Variants in RAD21 observed in about 807,000 individuals in gnomAD.
The protein encoded by RAD21 is double-strand-break repair protein rad21 homolog.
Under a neutral mutation model 71.5 loss-of-function variants are expected in RAD21, and 18 were observed. The ratio of observed to expected loss-of-function variants is 0.25; its 90% confidence interval spans 0.17 to 0.37. The LOEUF is 0.37. Among genes scored for constraint, RAD21 ranks in the 10% least tolerant of loss-of-function variants. The probability of loss-of-function intolerance (pLI) is 1.00; values close to 1 mark genes in which losing one functional copy is unlikely to be tolerated. For synonymous variants in RAD21, 248 were observed against 254.0 expected (o/e 0.98, Z 0.22); for missense variants, 493 against 769.1 (o/e 0.64, Z 4.25).
chr8:116,853,810 A>G (rs1812404837), intron 9 of RAD21, among the ~76,000 whole-genome samples: 1 of 152,130 alleles, frequency 6.6e-6, no homozygotes, highest in Non-Finnish European at 1.5e-5. Flanking sequence ...GTGAGCAGAA[A>G]AGAGCCTATA....
At chr8:116,854,086 A>G (rs1812413565) in intron 9 of RAD21, among the ~76,000 whole-genome samples, 159 bp downstream of exon 9, 1 of 148,500 alleles carries the variant, frequency 6.7e-6, no homozygotes, top group Non-Finnish European at 1.5e-5. Flanking sequence ...TATATTTCAG[A>G]TGAAGTTATG....
intron 13 of RAD21, 78 bp from the exon 14 acceptor site, chr8:116,847,769 A>G (rs958287700): frequency 1.5e-6 from 2 of 1,294,744 alleles, no homozygotes; most frequent in Admixed American, 2.3e-5. Flanking sequence ...TACAGTTTGA[A>G]TATTTGTCCC....
intron 1 of RAD21, among the ~76,000 whole-genome samples, chr8:116,873,267 A>T (rs928670398): frequency 3.4e-5 from 5 of 147,416 alleles, no homozygotes; most frequent in Admixed American, 1.3e-4. Flanking sequence ...TGACTTGTGT[A>T]TAAAAAAAAG....
chr8:116,850,593 G>A lies in RAD21; in HGVS notation c.1620+25C>T. 3 of 1,599,252 alleles carry A rather than the reference G, an allele frequency of 1.9e-6. No homozygotes were observed. The African/African-American group carries it at 4.0e-5, about 21-fold the overall frequency. ...TGGTTGGAGGTTTTTGCTAAATCTG[G>A]AATGAAAATTATTAATTAGTTTACC... On this transcript the variant is annotated intron_variant, in intron 12 of 13. Transcript: ENST00000297338.
Position 116,871,685 on chromosome 8 carries a change from A to G in RAD21, c.-33+2926T>C, listed in dbSNP as rs576004458. On this transcript the variant is annotated intron_variant, in intron 1 of 13. Transcript: ENST00000297338. ...GATATACTTGGAGATGCATATTACT[A>G]AAGACAAAACCAAAAAACCAAACAC... Among the ~76,000 whole-genome samples, 5 of 152,378 alleles carry G rather than the reference A, an allele frequency of 3.3e-5. No individual in the cohort carries two copies. The East Asian group carries it at 9.6e-4, about 29-fold the overall frequency.
chr8:116,846,922 A>G lies in RAD21; in HGVS notation c.*578T>C, dbSNP rs569670987. The G allele has an allele frequency of 1.9e-5, 4 of 215,210 alleles. No individual in the cohort carries two copies. The highest frequency in any genetic ancestry group is 3.7e-5 in the Non-Finnish European group (4 of 106,684). The allele number at this position is 215,210 out of a possible 1,614,324, so 13.3% of individuals were successfully genotyped here. On this transcript the variant is annotated 3_prime_UTR_variant, in exon 14 of 14. Coordinates refer to ENST00000297338, the MANE Select transcript of RAD21 (RefSeq NM_006265.3). ...TTTTTGTAGCTGAAGGCTATCAGTC[A>G]TAACACAATTTCGCGTACACCTCTG...
chr8:116,868,589 G>GT (rs17840624), intron 1 of RAD21, among the ~76,000 whole-genome samples: 3 of 151,922 alleles, frequency 2.0e-5, no homozygotes, highest in East Asian at 1.9e-4. Flanking sequence ...ATCAAAATGA[G>GT]TTTTTTTATA....
intron 1 of RAD21, among the ~76,000 whole-genome samples, chr8:116,873,362 T>C (rs1465631222): frequency 4.6e-5 from 7 of 152,216 alleles, no homozygotes. Flanking sequence ...GCGTATGTCC[T>C]CATCAATGCC....
At chr8:116,868,377 A>G (rs1016113878) in intron 1 of RAD21, among the ~76,000 whole-genome samples, 1 of 152,180 alleles carries the variant, frequency 6.6e-6, no homozygotes. Flanking sequence ...ATATACCACC[A>G]TATGCTTGGA....
chr8:116,856,623 A>T (rs1320433308), intron 7 of RAD21, 23 bp downstream of exon 7: 1 of 1,564,298 alleles, frequency 6.4e-7, no homozygotes, highest in Non-Finnish European at 8.7e-7. Context: ...CATCCCCAGA[A>T]TCACTGAACA....
chr8:116,874,394 T>G, intron 1 of RAD21: 1 of 177,240 alleles, frequency 5.6e-6, no homozygotes, highest in South Asian at 1.3e-4. Context: ...CCAAGCTGCA[T>G]GGGTCCGGGC....
intron 1 of RAD21, among the ~76,000 whole-genome samples, chr8:116,869,433 G>A (rs1447223559): frequency 6.6e-6 from 1 of 152,034 alleles, no homozygotes; most frequent in Admixed American, 6.6e-5. Context: ...AAAAAACACA[G>A]AAACTGCTAC....
At chr8:116,867,635 AC>A (rs1290351298) in intron 1 of RAD21, among the ~76,000 whole-genome samples, 7 of 152,246 alleles carry the variant, frequency 4.6e-5, no homozygotes, top group Non-Finnish European at 1.5e-5. Flanking sequence ...CAGATTTAAA[AC>A]AAATCTATTG....
chr8:116,869,010 AG>A lies in RAD21; in HGVS notation c.-32-2250del, dbSNP rs534710778. Among the ~76,000 whole-genome samples the A allele has an allele frequency of 7.0e-3, 1,071 of 152,312 alleles. 5 individuals are homozygous for A. The highest frequency in any genetic ancestry group is 0.012 in the Non-Finnish European group (839 of 68,038). On this transcript the variant is annotated intron_variant, in intron 1 of 13. Transcript: ENST00000297338. ...CACACATTATATAAAAATTCAAAAT[AG>A]ACAAAACTTTTAAAAAATGGCAGAG...
Position 116,850,766 on chromosome 8 carries a change from G to A in RAD21, c.1472C>T (p.Pro491Leu), listed in dbSNP as rs1812333616. ...TATTTCCATCTGCTCTACCTGCTGAGGCTTAAAGCAATACAAATAAGACAA... is the reference window on the plus strand; with the variant it reads ...TATTTCCATCTGCTCTACCTGCTGAAGCTTAAAGCAATACAAATAAGACAA... ...GQIDPEPVMP[P>L]QQVEQMEIPP... The change falls in exon 12 of 14, where the codon CCT becomes CTT. Residue 491 changes from proline (P) to leucine (L), a missense_variant and splice_region_variant. Pro to Leu is a moderately conservative substitution (Grantham distance 98). Coordinates refer to ENST00000297338, the MANE Select transcript of RAD21 (RefSeq NM_006265.3). 1 of 1,574,890 alleles carries A rather than the reference G, an allele frequency of 6.3e-7. No individual in the cohort carries two copies. Among genetic ancestry groups the A allele is most frequent in the East Asian group, 2.2e-5 (1 of 44,658 alleles).
chr8:116,852,051 A>G lies in RAD21; in HGVS notation c.1367T>C (p.Met456Thr). 1 of 1,612,064 alleles carries G rather than the reference A, an allele frequency of 6.2e-7. No individual in the cohort carries two copies. The highest frequency in any genetic ancestry group is 8.5e-7 in the Non-Finnish European group (1 of 1,178,288). ...EEPSRLQESVMEASRTNIDES... is the reference protein window; with the variant it reads ...EEPSRLQESVTEASRTNIDES... The stretch of plus-strand genomic sequence containing the variant: ...ATCTATGTTTGTTCTGCTGGCCTCC[A>G]TCACTGACTCCTGGAGGCGGCTTGG... The change falls in exon 11 of 14, where the codon ATG (methionine) becomes ACG (threonine). Residue 456 changes from methionine (M) to threonine (T), a missense_variant. Physicochemically the swap from Met to Thr is moderately conservative, Grantham distance 81 (BLOSUM62 -1). This residue lies in a region of RAD21 where 225 missense variants were observed against 218.3 expected (regional missense o/e 1.03). Transcript: ENST00000297338.
intron 4 of RAD21, among the ~76,000 whole-genome samples, chr8:116,858,773 T>C (rs1812523946): frequency 6.6e-6 from 1 of 152,154 alleles, no homozygotes; most frequent in African/African-American, 2.4e-5. Flanking sequence ...ATTAGGACCC[T>C]GCAACTTACA....
At chr8:116,851,534 C>T (rs1417593970) in intron 11 of RAD21, 1 of 154,154 alleles carries the variant, frequency 6.5e-6, no homozygotes, top group African/African-American at 2.4e-5. Context: ...TAGCTGAACT[C>T]AATGGTAGTC....
rs1398227571 is a variant in RAD21 at position 116,851,974 on chromosome 8, G to T, written c.1444C>A (p.Gln482Lys). 11 of 1,610,234 alleles carry T rather than the reference G, an allele frequency of 6.8e-6. No homozygotes were observed. The highest frequency in any genetic ancestry group is 9.3e-6 in the Non-Finnish European group (11 of 1,177,198). Residue 482 changes from glutamine to lysine, a missense_variant, in exon 11 of 14, where the codon CAA becomes AAA. Physicochemically the swap from Gln to Lys is moderately conservative, Grantham distance 53. This residue lies in a region of RAD21 where 225 missense variants were observed against 218.3 expected (regional missense o/e 1.03). Coordinates refer to ENST00000297338, the MANE Select transcript of RAD21 (RefSeq NM_006265.3). The stretch of plus-strand genomic sequence containing the variant: ...GGCATCACAGGCTCTGGGTCAATTT[G>T]TCCAGCTTTTCGCTTAACTCCCTGA... ...PPQGVKRKAG[Q>K]IDPEPVMPPQ...
Sources: allele counts gnomAD v4.1 joint callset (sites outside exome capture counted in the v4.1 genomes callset), GRCh38; gene constraint gnomAD v4.1.1; regional missense constraint gnomAD v4.1.1; transcripts MANE v1.5; gene names NCBI Gene and HGNC (gene_info 2026-07-23, HGNC 2026-07-21).